The following BCAR3 variants were observed in gnomAD, a reference collection of about 807,000 sequenced individuals.
The protein encoded by BCAR3 is BCAR3 adaptor protein, NSP family member.
BCAR3 carries 37 observed loss-of-function variants against 80.1 expected under a neutral mutation model. That is an observed-to-expected ratio of 0.46 (90% CI 0.36 to 0.61). BCAR3 has a LOEUF of 0.61. Among genes scored for constraint, BCAR3 ranks in the 20% least tolerant of loss-of-function variants. The pLI is 0.00. For synonymous variants in BCAR3, 389 were observed against 418.9 expected (o/e 0.93, Z 0.87); for missense variants, 978 against 1,068.2 (o/e 0.92, Z 1.18).
At chr1:93,763,371 C>G (rs1327901063) in intron 2 of BCAR3, among the ~76,000 whole-genome samples, 1 of 152,202 alleles carries the variant, frequency 6.6e-6, no homozygotes, top group Non-Finnish European at 1.5e-5. Context: ...CCTGCTAACA[C>G]TTACTGTTGA....
chr1:93,607,259 CTG>C (rs1454134924), intron 3 of BCAR3, among the ~76,000 whole-genome samples: 1 of 152,152 alleles, frequency 6.6e-6, no homozygotes, highest in Non-Finnish European at 1.5e-5. Flanking sequence ...TTTAAAAAGA[CTG>C]TTAACCAGCT....
At chr1:93,813,845 A>C (rs773183682) in intron 2 of BCAR3, among the ~76,000 whole-genome samples, 22 of 152,226 alleles carry the variant, frequency 1.4e-4, no homozygotes, top group Non-Finnish European at 3.1e-4. Flanking sequence ...GGATCCAATG[A>C]AAGATCAATC....
chr1:93,751,074 G>A (rs1208214039), intron 2 of BCAR3, among the ~76,000 whole-genome samples: 5 of 152,160 alleles, frequency 3.3e-5, no homozygotes, highest in Non-Finnish European at 7.3e-5. Flanking sequence ...CCGGCACACC[G>A]GCAAGCCCTG....
At position 93,571,684 on chromosome 1, in the gene BCAR3, G is replaced by T. The variant is rs747604227; in HGVS notation, c.1960C>A (p.Leu654Met). ...TGGAAATTTACCTGTGGCATTTCCAGGGCTTTCATGAGAGCTGAGAAGGAA... is the reference window on the plus strand; with the variant it reads ...TGGAAATTTACCTGTGGCATTTCCATGGCTTTCATGAGAGCTGAGAAGGAA... The part of the protein sequence containing the change: ...LYSFSALMKA[L>M]EMPQITRLEK... Residue 654 changes from leucine (L) to methionine (M), a missense_variant, in exon 9 of 12, where the codon CTG becomes ATG. Coordinates refer to ENST00000260502, the MANE Select transcript of BCAR3 (RefSeq NM_003567.4). 2 of 1,614,120 alleles carry T rather than the reference G, an allele frequency of 1.2e-6. No homozygotes were observed. The highest frequency in any genetic ancestry group is 4.5e-5 in the East Asian group (2 of 44,884).
At chr1:93,752,139 A>G (rs1042213372) in intron 2 of BCAR3, among the ~76,000 whole-genome samples, 6 of 152,244 alleles carry the variant, frequency 3.9e-5, no homozygotes, top group African/African-American at 1.4e-4. Context: ...GGCAGGCATG[A>G]AAGAAGCTGG....
In BCAR3 at chr1:93,562,263, G is replaced by C. The variant is rs1319878260; in HGVS notation, c.2456C>G (p.Pro819Arg). The stretch of plus-strand genomic sequence containing the variant: ...TTATCAAAGCTCTGCCTGCTTTACA[G>C]GAGGAGGTTCCAATTTACGCGAGAG... Reference protein sequence around the residue: ...TALSRKLEPPPVKQAEL With the variant: ...TALSRKLEPPRVKQAEL Residue 819 changes from proline (P) to arginine (R), a missense_variant, in exon 12 of 12, where the codon CCT becomes CGT. Physicochemically the swap from Pro to Arg is moderately radical, Grantham distance 103. Transcript: ENST00000260502. 11 of 1,613,850 alleles carry C rather than the reference G, an allele frequency of 6.8e-6. No individual in the cohort carries two copies. The highest frequency in any genetic ancestry group is 8.5e-6 in the Non-Finnish European group (10 of 1,179,936).
chr1:93,631,955 G>A (rs545997393), intron 3 of BCAR3, among the ~76,000 whole-genome samples: 19 of 152,106 alleles, frequency 1.2e-4, no homozygotes, highest in Non-Finnish European at 2.5e-4. Flanking sequence ...CTGGCCTGAG[G>A]AGTTATCCAC....
intron 3 of BCAR3, among the ~76,000 whole-genome samples, chr1:93,596,252 C>T (rs1489959208): frequency 1.3e-5 from 2 of 152,144 alleles, no homozygotes; most frequent in Non-Finnish European, 2.9e-5. Context: ...ATTTGCATAG[C>T]CCAGAATGAT....
At chr1:93,571,540 C>T in intron 9 of BCAR3, 130 bp downstream of exon 9, 1 of 1,223,922 alleles carries the variant, frequency 8.2e-7, no homozygotes, top group South Asian at 1.3e-5. Flanking sequence ...GACACTGTCC[C>T]CTAAATGAAG....
intron 2 of BCAR3, among the ~76,000 whole-genome samples, chr1:93,756,724 C>A (rs1236609716): frequency 6.6e-6 from 1 of 152,192 alleles, no homozygotes; most frequent in Non-Finnish European, 1.5e-5. Context: ...TGTGTCTGTG[C>A]CCACTGTCCA....
intron 2 of BCAR3, among the ~76,000 whole-genome samples, chr1:93,657,928 A>G (rs1409067463): frequency 6.6e-6 from 1 of 151,792 alleles, no homozygotes; most frequent in Non-Finnish European, 1.5e-5. Flanking sequence ...GAAACAAGAC[A>G]GCATGTCGCT....
intron 2 of BCAR3, among the ~76,000 whole-genome samples, chr1:93,664,577 T>C (rs1488301268): frequency 3.9e-5 from 6 of 152,196 alleles, no homozygotes; most frequent in African/African-American, 1.4e-4. Context: ...CATATTACAC[T>C]ATGGTGAGTC....
chr1:93,742,416 A>C (rs1651208102), intron 2 of BCAR3, among the ~76,000 whole-genome samples: 1 of 152,238 alleles, frequency 6.6e-6, no homozygotes. Flanking sequence ...TCCTGAGTTG[A>C]CTAGGTGCTA....
At chr1:93,712,380 C>A (rs964681132) in intron 2 of BCAR3, among the ~76,000 whole-genome samples, 1 of 152,200 alleles carries the variant, frequency 6.6e-6, no homozygotes, top group East Asian at 1.9e-4. Flanking sequence ...TGGGCAGGAA[C>A]ACTGGATCAT....
At chr1:93,822,869 T>C (rs1362128863) in intron 2 of BCAR3, among the ~76,000 whole-genome samples, 1 of 79,532 alleles carries the variant, frequency 1.3e-5, no homozygotes, top group African/African-American at 3.2e-5. Context: ...GAGCTCCCTT[T>C]GTAGATCAGG....
intron 2 of BCAR3, among the ~76,000 whole-genome samples, chr1:93,721,244 G>A (rs953087239): frequency 3.9e-5 from 6 of 152,142 alleles, no homozygotes; most frequent in Admixed American, 3.3e-4. Context: ...CTGCAGACTG[G>A]AGCCCAGGGC....
chr1:93,563,356 T>G (rs541605185), intron 11 of BCAR3, among the ~76,000 whole-genome samples: 2 of 152,300 alleles, frequency 1.3e-5, no homozygotes, highest in Non-Finnish European at 2.9e-5. Flanking sequence ...GTTTTTGAGA[T>G]TATTCCATAT....
At chr1:93,576,256 T>TATGCTTATA in intron 7 of BCAR3, 127 bp from the exon 8 acceptor site, 1 of 696,122 alleles carries the variant, frequency 1.4e-6, no homozygotes, top group Non-Finnish European at 2.6e-6. Context: ...CATTTCTTTA[T>TATGCTTATA]AAGCAGCTGC....
intron 2 of BCAR3, among the ~76,000 whole-genome samples, chr1:93,743,077 A>G (rs1651234649): frequency 6.6e-6 from 1 of 152,238 alleles, no homozygotes; most frequent in African/African-American, 2.4e-5. Context: ...AATTCTTTAT[A>G]TAGGTTAATA....
Sources: gnomAD v4.1 joint callset for allele counts (sites outside exome capture counted in the v4.1 genomes callset) on GRCh38, gnomAD v4.1.1 for gene constraint, MANE v1.5 for transcripts, NCBI Gene and HGNC (gene_info 2026-07-23, HGNC 2026-07-21) for gene names.